The following KLF12 variants were observed in gnomAD, a reference collection of about 807,000 sequenced individuals.
KLF12 encodes KLF transcription factor 12.
Under a neutral mutation model 37.8 loss-of-function variants are expected in KLF12, and 9 were observed. The observed-to-expected ratio is 0.24, with a 90% CI of 0.14 to 0.42. KLF12 has a LOEUF of 0.42. Ranked by LOEUF, KLF12 falls within the 10% of genes least tolerant of loss-of-function variation. KLF12 has a pLI of 1.00. For missense variants in KLF12, 411 were observed against 516.0 expected (o/e 0.80, Z 1.97); for synonymous variants, 208 against 202.1 (o/e 1.03, Z -0.25).
the KLF12 span, among the ~76,000 whole-genome samples, chr13:74,245,214 G>A: frequency 2.6e-5 from 4 of 152,118 alleles, no homozygotes; most frequent in African/African-American, 7.2e-5. Flanking sequence ...GAACATGAAC[G>A]TTTGTGATGA....
chr13:73,821,765 G>A (rs1041702383), intron 4 of KLF12, among the ~76,000 whole-genome samples: 4 of 152,044 alleles, frequency 2.6e-5, no homozygotes, highest in African/African-American at 4.8e-5. Context: ...TCTTATCCCC[G>A]AAGCCCCTGA....
chr13:73,736,281 G>A (rs1348764348), intron 6 of KLF12, among the ~76,000 whole-genome samples: 1 of 152,128 alleles, frequency 6.6e-6, no homozygotes, highest in Admixed American at 6.6e-5. Flanking sequence ...TTTGAGAACT[G>A]TTTCATAGAT....
chr13:74,139,531 G>C, the KLF12 span, among the ~76,000 whole-genome samples: 15 of 152,126 alleles, frequency 9.9e-5, no homozygotes, highest in East Asian at 1.9e-3. Context: ...ATTAATTCTG[G>C]CAGTGTTCCT....
At chr13:74,194,385 A>T in the KLF12 span, among the ~76,000 whole-genome samples, 1 of 152,190 alleles carries the variant, frequency 6.6e-6, no homozygotes, top group Non-Finnish European at 1.5e-5. Flanking sequence ...AAAAAGAGAT[A>T]TTTATTTTCT....
intron 1 of KLF12, among the ~76,000 whole-genome samples, chr13:74,024,004 C>T (rs546067704): frequency 3.9e-5 from 6 of 152,352 alleles, no homozygotes; most frequent in African/African-American, 1.2e-4. Flanking sequence ...TGGAGCCCCA[C>T]TGCAACTCCT....
At chr13:73,736,285 C>T (rs1877460883) in intron 6 of KLF12, among the ~76,000 whole-genome samples, 1 of 152,174 alleles carries the variant, frequency 6.6e-6, no homozygotes, top group African/African-American at 2.4e-5. Context: ...AGAACTGTTT[C>T]ATAGATGAAT....
intron 2 of KLF12, among the ~76,000 whole-genome samples, chr13:73,978,482 C>G (rs979111081): frequency 6.6e-6 from 1 of 152,190 alleles, no homozygotes; most frequent in African/African-American, 2.4e-5. Context: ...TGTGGAGCAA[C>G]AAGGACTCTC....
chr13:73,863,091 C>T (rs1190504030), intron 3 of KLF12, among the ~76,000 whole-genome samples: 3 of 152,034 alleles, frequency 2.0e-5, no homozygotes, highest in African/African-American at 4.8e-5. Context: ...AGATTTACCA[C>T]CATAATTATA....
At chr13:73,852,174 G>C (rs1400674267) in intron 3 of KLF12, among the ~76,000 whole-genome samples, 1 of 152,112 alleles carries the variant, frequency 6.6e-6, no homozygotes, top group African/African-American at 2.4e-5. Context: ...AGCCCCCATG[G>C]TCATAATTTA....
intron 1 of KLF12, among the ~76,000 whole-genome samples, chr13:74,029,936 A>G (rs779205856): frequency 2.0e-5 from 3 of 152,100 alleles, no homozygotes; most frequent in Non-Finnish European, 2.9e-5. Flanking sequence ...AGGCCACAGG[A>G]AGAGCCTGAT....
At chr13:74,155,751 A>G in the KLF12 span, among the ~76,000 whole-genome samples, 10 of 152,286 alleles carry the variant, frequency 6.6e-5, no homozygotes, top group South Asian at 1.0e-3. Flanking sequence ...GCCAATTCCA[A>G]TTAAATCTTC....
chr13:74,222,515 C>T, the KLF12 span, among the ~76,000 whole-genome samples: 1 of 152,200 alleles, frequency 6.6e-6, no homozygotes, highest in South Asian at 2.1e-4. Context: ...TTTGTGTTGT[C>T]TTTTGTTATC....
the KLF12 span, among the ~76,000 whole-genome samples, chr13:74,211,085 T>C: frequency 1.3e-5 from 2 of 152,164 alleles, no homozygotes; most frequent in Non-Finnish European, 2.9e-5. Context: ...CCCACATTAT[T>C]ATTGCCTTTC....
At chr13:73,781,531 A>G (rs1404144038) in intron 5 of KLF12, among the ~76,000 whole-genome samples, 2 of 152,264 alleles carry the variant, frequency 1.3e-5, no homozygotes, top group Non-Finnish European at 2.9e-5. Flanking sequence ...TAAATAATCA[A>G]GACAAACTGA....
intron 1 of KLF12, among the ~76,000 whole-genome samples, chr13:74,133,049 G>A (rs980697689): frequency 1.3e-5 from 2 of 152,136 alleles, no homozygotes; most frequent in African/African-American, 4.8e-5. Flanking sequence ...CTCCGGCCAG[G>A]TCCCCCGTAA....
chr13:74,107,276 T>C (rs1024937756), intron 1 of KLF12, among the ~76,000 whole-genome samples: 1 of 152,152 alleles, frequency 6.6e-6, no homozygotes, highest in East Asian at 1.9e-4. Flanking sequence ...CAACAGACCA[T>C]AGTAGATGCC....
the KLF12 span, among the ~76,000 whole-genome samples, chr13:74,277,125 T>C: frequency 6.6e-6 from 1 of 152,222 alleles, no homozygotes; most frequent in African/African-American, 2.4e-5. Flanking sequence ...ATTCTGGTTC[T>C]CCTCTTGCTC....
chr13:74,260,553 C>CTAAAATAAAATAAAATAAAA, the KLF12 span, among the ~76,000 whole-genome samples: 1 of 101,684 alleles, frequency 9.8e-6, no homozygotes, highest in African/African-American at 5.5e-5. Context: ...AACACTGTTT[C>CTAAAATAAAATAAAATAAAA]TAAAATAAAA....
intron 1 of KLF12, among the ~76,000 whole-genome samples, chr13:74,075,736 G>A (rs150416893): frequency 3.0e-4 from 45 of 151,970 alleles, no homozygotes; most frequent in South Asian, 4.2e-4. Context: ...TTGTTTCTCT[G>A]ACTACACACA....
Sources: gnomAD v4.1 joint callset for allele counts (sites outside exome capture counted in the v4.1 genomes callset) on GRCh38, gnomAD v4.1.1 for gene constraint, MANE v1.5 for transcripts, NCBI Gene and HGNC (gene_info 2026-07-23, HGNC 2026-07-21) for gene names.